The following TRAPPC3L variants were observed in gnomAD, a reference collection of about 807,000 sequenced individuals.
The protein encoded by TRAPPC3L is trafficking protein particle complex subunit 3L, also known as trafficking protein particle complex subunit 3-like protein.
A neutral mutation model predicts 23.7 loss-of-function variants in TRAPPC3L; 23 were observed. That is an observed-to-expected ratio of 0.97 (90% CI 0.70 to 1.37). TRAPPC3L has a LOEUF of 1.37. Ranked by LOEUF, TRAPPC3L falls within the 40% of genes most tolerant of loss-of-function variation. TRAPPC3L has a pLI of 0.00. For missense variants in TRAPPC3L, 212 were observed against 216.8 expected (o/e 0.98, Z 0.14); for synonymous variants, 81 against 77.9 (o/e 1.04, Z -0.21).
chr6:116,545,389 C>T, intron 1 of TRAPPC3L, 84 bp downstream of exon 1: 1 of 1,197,132 alleles, frequency 8.4e-7, no homozygotes, highest in Non-Finnish European at 1.2e-6. Context: ...ATTCTTATAG[C>T]ATCAGTTTTT....
chr6:116,517,862 A>T (rs1772258106), intron 3 of TRAPPC3L: 1 of 152,200 alleles, frequency 6.6e-6, no homozygotes, highest in African/African-American at 2.4e-5. Context: ...AGTCGATCAC[A>T]AATGGATAAT....
At chr6:116,543,478 T>C in intron 1 of TRAPPC3L, 78 bp from the exon 2 acceptor site, 1 of 1,218,504 alleles carries the variant, frequency 8.2e-7, no homozygotes, top group Non-Finnish European at 1.1e-6. Context: ...TTATAAAATC[T>C]GGTTTGAAGT....
At chr6:116,500,859 T>C (rs1031961677) in intron 3 of TRAPPC3L, among the ~76,000 whole-genome samples, 193 bp from the exon 4 acceptor site, 8 of 152,234 alleles carry the variant, frequency 5.3e-5, no homozygotes, top group African/African-American at 1.9e-4. Flanking sequence ...ATATTTTTAC[T>C]TGTGAGTCAC....
At chr6:116,538,185 T>A (rs1456896052) in intron 3 of TRAPPC3L, among the ~76,000 whole-genome samples, 1 of 152,216 alleles carries the variant, frequency 6.6e-6, no homozygotes, top group East Asian at 1.9e-4. Context: ...TTCAGAAGCT[T>A]TTCAGTGATT....
intron 3 of TRAPPC3L, among the ~76,000 whole-genome samples, chr6:116,510,079 C>T (rs929914913): frequency 1.3e-5 from 2 of 152,094 alleles, no homozygotes; most frequent in African/African-American, 4.8e-5. Context: ...TGAAAAAATG[C>T]TCAACATACT....
chr6:116,522,363 C>A (rs981837199), intron 3 of TRAPPC3L: 5 of 152,126 alleles, frequency 3.3e-5, no homozygotes, highest in African/African-American at 1.2e-4. Flanking sequence ...AATTTTGGGG[C>A]AATATGAAGC....
intron 3 of TRAPPC3L, among the ~76,000 whole-genome samples, chr6:116,536,928 C>A (rs1274606392): frequency 6.6e-6 from 1 of 152,170 alleles, no homozygotes; most frequent in Non-Finnish European, 1.5e-5. Flanking sequence ...CTGCCACAGG[C>A]CCGACGTTTG....
At chr6:116,505,573 CA>C (rs1771989811) in intron 3 of TRAPPC3L, among the ~76,000 whole-genome samples, 1 of 152,098 alleles carries the variant, frequency 6.6e-6, no homozygotes, top group Admixed American at 6.5e-5. Context: ...CAATCCTAAG[CA>C]AAAAGAACAA....
At chr6:116,543,927 T>C (rs922632494) in intron 1 of TRAPPC3L, 6 of 1,339,402 alleles carry the variant, frequency 4.5e-6, no homozygotes, top group Admixed American at 4.6e-5. Context: ...TATTTCCTTA[T>C]AGTTCTCCAA....
chr6:116,526,565 G>A (rs975585853), intron 3 of TRAPPC3L, among the ~76,000 whole-genome samples: 6 of 152,174 alleles, frequency 3.9e-5, no homozygotes, highest in African/African-American at 1.4e-4. Context: ...AGCTCCAGGT[G>A]AGTCTATGCA....
intron 3 of TRAPPC3L, chr6:116,524,786 C>A (rs1182897654): frequency 6.6e-6 from 1 of 152,006 alleles, no homozygotes; most frequent in African/African-American, 2.4e-5. Context: ...GGAAAATTTT[C>A]AACTTATTTT....
At chr6:116,502,140 G>A (rs9320564) in intron 3 of TRAPPC3L, among the ~76,000 whole-genome samples, 56,957 of 152,046 alleles carry the variant, frequency 0.37, 12,339 homozygotes, top group East Asian at 0.54. Flanking sequence ...AAGGTTAGAC[G>A]AATGGCTAAC....
chr6:116,545,126 C>CAT (rs577614361), intron 1 of TRAPPC3L, among the ~76,000 whole-genome samples: 5 of 150,368 alleles, frequency 3.3e-5, no homozygotes, highest in Admixed American at 6.7e-5. Context: ...TACATACATA[C>CAT]ATATATATAC....
intron 3 of TRAPPC3L, chr6:116,518,411 T>C (rs2753106): frequency 0.036 from 5,554 of 152,394 alleles, 130 homozygotes; most frequent in Middle Eastern, 0.095. Flanking sequence ...AAAAAAGGTT[T>C]GTTTTTTCTA....
chr6:116,516,331 G>A (rs891616595), intron 3 of TRAPPC3L: 1 of 184,616 alleles, frequency 5.4e-6, no homozygotes, highest in Non-Finnish European at 1.1e-5. Context: ...AGGGGCAGAA[G>A]CAATGGCTTG....
chr6:116,512,445 C>T (rs986813016), intron 3 of TRAPPC3L: 36 of 545,450 alleles, frequency 6.6e-5, no homozygotes, highest in Middle Eastern at 4.9e-4. Context: ...ATCTCTTTTC[C>T]GGTTCTGAAA....
chr6:116,531,169 G>C (rs1772696026), intron 3 of TRAPPC3L, among the ~76,000 whole-genome samples: 1 of 151,942 alleles, frequency 6.6e-6, no homozygotes, highest in African/African-American at 2.4e-5. Flanking sequence ...CCCTGGAAGT[G>C]ACCTAGCATG....
chr6:116,527,441 G>A (rs1008879116), intron 3 of TRAPPC3L, among the ~76,000 whole-genome samples: 8 of 151,588 alleles, frequency 5.3e-5, no homozygotes, highest in African/African-American at 1.2e-4. Flanking sequence ...CGTGAACCGG[G>A]GAGGCGGAGC....
At chr6:116,531,392 A>G (rs1480391826) in intron 3 of TRAPPC3L, among the ~76,000 whole-genome samples, 1 of 152,140 alleles carries the variant, frequency 6.6e-6, no homozygotes, top group Non-Finnish European at 1.5e-5. Flanking sequence ...GAAAAGAAAA[A>G]TGGAAAGATA....
Sources: allele counts gnomAD v4.1 joint callset (sites outside exome capture counted in the v4.1 genomes callset), GRCh38; gene constraint gnomAD v4.1.1; transcripts MANE v1.5; gene names NCBI Gene and HGNC (gene_info 2026-07-23, HGNC 2026-07-21).